Variants in PAM observed in about 807,000 individuals in gnomAD.
The protein encoded by PAM is peptidyl-glycine alpha-amidating monooxygenase.
Under a neutral mutation model 122.1 loss-of-function variants are expected in PAM, and 72 were observed. The observed-to-expected ratio is 0.59, with a 90% confidence interval of 0.49 to 0.72. The LOEUF (loss-of-function observed/expected upper bound fraction) is 0.72, where lower values mean the gene tolerates loss of function less well. PAM is among the 30% of genes least tolerant of loss of function. The pLI is 0.00. For synonymous variants in PAM, 389 were observed against 404.4 expected (o/e 0.96, Z 0.46); for missense variants, 1,106 against 1,183.7 (o/e 0.93, Z 0.96).
chr5:102,792,645 G>T (rs888345817), intron 1 of PAM, among the ~76,000 whole-genome samples: 3 of 152,192 alleles, frequency 2.0e-5, no homozygotes, highest in Non-Finnish European at 4.4e-5. Flanking sequence ...TTTAGTATTT[G>T]TAATTTGGAA....
intron 1 of PAM, among the ~76,000 whole-genome samples, chr5:102,792,438 C>T (rs1412112087): frequency 6.6e-6 from 1 of 152,172 alleles, no homozygotes; most frequent in South Asian, 2.1e-4. Flanking sequence ...AAGCAGGTAG[C>T]AATTACATAA....
intron 5 of PAM, 141 bp downstream of exon 5, chr5:102,914,162 C>T (rs989928441): frequency 2.2e-5 from 13 of 601,280 alleles, no homozygotes; most frequent in Non-Finnish European, 3.6e-5. Context: ...ATTGTCATCA[C>T]GTGGTTATCA....
intron 12 of PAM, among the ~76,000 whole-genome samples, chr5:102,954,181 G>A (rs553345772): frequency 1.9e-3 from 289 of 151,944 alleles, no homozygotes; most frequent in African/African-American, 6.6e-3. Flanking sequence ...TAGTTTTTGG[G>A]GAACAGGTGG....
intron 5 of PAM, among the ~76,000 whole-genome samples, chr5:102,923,020 CA>C: frequency 6.6e-6 from 1 of 152,272 alleles, no homozygotes; most frequent in East Asian, 1.9e-4. Context: ...TTGTATTTGA[CA>C]GTGAACAGGA....
At position 102,957,995 on chromosome 5, in the gene PAM, T is replaced by G. The variant is rs139775790; in HGVS notation, c.906-1880T>G. 1.8e-3 allele frequency among the ~76,000 whole-genome samples: 277 copies of G among 152,270 alleles called. 1 individual carries two copies. The highest frequency in any genetic ancestry group is 6.4e-3 in the African/African-American group (267 of 41,568). ...ATAATAGCTCACAGAATAAACAATT[T>G]CCATTTATGCAACAGAGAACACACT... On this transcript the variant is annotated intron_variant, in intron 12 of 25. Coordinates refer to ENST00000438793, the MANE Select transcript of PAM (RefSeq NM_001177306.2).
rs769437400 is a variant in PAM, at chr5:102,913,970, A to C, written c.305A>C (p.His102Pro). The C allele has an allele frequency of 6.2e-7, 1 of 1,608,680 alleles. No individual in the cohort carries two copies. Among genetic ancestry groups the C allele is most frequent in the South Asian group, 1.1e-5 (1 of 90,958 alleles). ...CCTCGAGCCAGCATGGATACTGTCC[A>C]TCACATGTTACTTTTTGGATGCAAT... ...FKPRASMDTV[H>P]HMLLFGCNMP... is the part of the protein sequence containing the mutation. The change falls in exon 5 of 26, where the codon CAT becomes CCT. Residue 102 changes from histidine (H) to proline (P), a missense_variant. Physicochemically the swap from His to Pro is moderately conservative, Grantham distance 77. Transcript: ENST00000438793.
In PAM at chr5:102,958,392, T is replaced by A. The variant is rs1399985770; in HGVS notation, c.906-1483T>A. On this transcript the variant is annotated intron_variant, in intron 12 of 25. Coordinates refer to ENST00000438793, the MANE Select transcript of PAM (RefSeq NM_001177306.2). ...CAGTTGATCTACATATACCTCCTTT[T>A]TTTTAAAGCAGGAAAGAGAAGGATA... 2.0e-5 allele frequency among the ~76,000 whole-genome samples: 3 copies of A among 152,212 alleles called. No homozygotes were observed. The East Asian group carries it at 5.8e-4, about 29-fold the overall frequency.
intron 21 of PAM, among the ~76,000 whole-genome samples, chr5:103,014,949 C>T (rs1781575264): frequency 6.6e-6 from 1 of 151,988 alleles, no homozygotes; most frequent in South Asian, 2.1e-4. Flanking sequence ...TGTGGCAGCT[C>T]ATATGGAAAA....
chr5:102,880,363 T>A (rs1425967668), intron 3 of PAM, among the ~76,000 whole-genome samples: 1 of 152,138 alleles, frequency 6.6e-6, no homozygotes, highest in Non-Finnish European at 1.5e-5. Context: ...AAAATTTATA[T>A]TTGGGGAAGA....
chr5:102,867,099 T>C (rs1785831622), intron 2 of PAM, among the ~76,000 whole-genome samples, 174 bp from the exon 3 acceptor site: 1 of 152,188 alleles, frequency 6.6e-6, no homozygotes, highest in Admixed American at 6.5e-5. Flanking sequence ...TATTGGACTA[T>C]AAAATGAAAA....
At chr5:103,026,008 TTAATTC>T (rs1784843854) in intron 24 of PAM, among the ~76,000 whole-genome samples, 2 of 152,172 alleles carry the variant, frequency 1.3e-5, no homozygotes, top group Admixed American at 6.5e-5. Flanking sequence ...TCAAGAAAAA[TTAATTC>T]TATAACAAAC....
At chr5:102,831,495 TA>T (rs1457334948) in intron 1 of PAM, among the ~76,000 whole-genome samples, 2 of 151,978 alleles carry the variant, frequency 1.3e-5, no homozygotes, top group Non-Finnish European at 2.9e-5. Flanking sequence ...TAACATAGAT[TA>T]AATCTTTGAG....
intron 1 of PAM, among the ~76,000 whole-genome samples, chr5:102,786,433 T>C (rs1473064296): frequency 6.6e-6 from 1 of 152,214 alleles, no homozygotes; most frequent in Non-Finnish European, 1.5e-5. Flanking sequence ...CTTATTAATA[T>C]CAATTTTTTA....
chr5:102,995,244 T>C (rs1775334679), intron 16 of PAM, among the ~76,000 whole-genome samples: 2 of 152,146 alleles, frequency 1.3e-5, no homozygotes, highest in South Asian at 4.1e-4. Context: ...GGGAAAACTA[T>C]AAGGGGTTCT....
chr5:103,005,935 CTGT>C (rs113364724), intron 18 of PAM, among the ~76,000 whole-genome samples: 2,677 of 118,358 alleles, frequency 0.023, 70 homozygotes, highest in African/African-American at 0.08. Context: ...GTTGTTGTTG[CTGT>C]TGTTGTTGTT....
At chr5:102,909,158 T>C (rs1446424785) in intron 4 of PAM, among the ~76,000 whole-genome samples, 1 of 151,742 alleles carries the variant, frequency 6.6e-6, no homozygotes, top group East Asian at 1.9e-4. Context: ...TCTCTCAATA[T>C]TAAATATGGC....
intron 17 of PAM, among the ~76,000 whole-genome samples, chr5:103,004,544 CA>C (rs1778379561): frequency 6.6e-6 from 1 of 152,174 alleles, no homozygotes; most frequent in Admixed American, 6.5e-5. Flanking sequence ...TCTGTTAGCT[CA>C]GTCCAGGTTC....
At chr5:103,000,957 A>G (rs1306715294) in intron 16 of PAM, among the ~76,000 whole-genome samples, 1 of 149,600 alleles carries the variant, frequency 6.7e-6, no homozygotes, top group Non-Finnish European at 1.5e-5. Flanking sequence ...TAGGAGAACA[A>G]AAAAAAATTA....
chr5:103,017,482 C>A, intron 22 of PAM, 49 bp downstream of exon 22: 1 of 1,114,022 alleles, frequency 9.0e-7, no homozygotes, highest in Non-Finnish European at 1.4e-6. Context: ...AGTTTGATTG[C>A]TTAAAAGCAT....
Sources: allele counts gnomAD v4.1 joint callset (sites outside exome capture counted in the v4.1 genomes callset), GRCh38; gene constraint gnomAD v4.1.1; transcripts MANE v1.5; gene names NCBI Gene and HGNC (gene_info 2026-07-23, HGNC 2026-07-21).